Variants in USP24 observed in about 807,000 individuals in gnomAD.
USP24 encodes ubiquitin carboxyl-terminal hydrolase 24.
Under a neutral mutation model 361.6 loss-of-function variants are expected in USP24, and 97 were observed. The observed-to-expected ratio is 0.27, with a 90% CI of 0.23 to 0.32. The LOEUF (loss-of-function observed/expected upper bound fraction) is 0.32. Ranked by LOEUF, USP24 falls within the 10% of genes least tolerant of loss-of-function variation. USP24 has a pLI of 1.00. For missense variants in USP24, 2,353 were observed against 3,165.6 expected (o/e 0.74, Z 6.16); for synonymous variants, 1,098 against 1,124.6 (o/e 0.98, Z 0.47).
At chr1:55,125,040 C>G (rs1447189986) in intron 34 of USP24, among the ~76,000 whole-genome samples, 2 of 152,154 alleles carry the variant, frequency 1.3e-5, no homozygotes, top group Non-Finnish European at 2.9e-5. Context: ...CAAATGCCAT[C>G]TATAACATAA....
rs1296776622 is a variant in USP24 at position 55,078,528 on chromosome 1, G to T, written c.7314+10C>A. The T allele has an allele frequency of 6.2e-7, 1 of 1,602,038 alleles. No homozygotes were observed. Among genetic ancestry groups the T allele is most frequent in the South Asian group, 1.1e-5 (1 of 88,794 alleles). On this transcript the variant is annotated intron_variant, in intron 61 of 67. Transcript: ENST00000294383. ...CTATCTGGCTATCACTCGTTTAACTGAGGTCTTACCTTAATGAAATGCAGC... is the reference window on the plus strand; with the variant it reads ...CTATCTGGCTATCACTCGTTTAACTTAGGTCTTACCTTAATGAAATGCAGC...
chr1:55,122,893 T>G (rs903511323), intron 36 of USP24, among the ~76,000 whole-genome samples: 1 of 152,132 alleles, frequency 6.6e-6, no homozygotes, highest in Non-Finnish European at 1.5e-5. Flanking sequence ...GTACAGGCCA[T>G]AGACCCAAAT....
chr1:55,206,269 C>T (rs2100938317), intron 1 of USP24, among the ~76,000 whole-genome samples: 1 of 152,284 alleles, frequency 6.6e-6, no homozygotes, highest in East Asian at 1.9e-4. Context: ...CACATGCAAA[C>T]ACAGAAAATT....
intron 1 of USP24, among the ~76,000 whole-genome samples, chr1:55,207,149 C>T (rs535298215): frequency 6.6e-6 from 1 of 152,056 alleles, no homozygotes; most frequent in African/African-American, 2.4e-5. Context: ...CAGAGTGAGA[C>T]CCTGTCTCAA....
chr1:55,172,417 T>C lies in USP24; in HGVS notation c.662A>G (p.Gln221Arg). Residue 221 changes from glutamine to arginine, a missense_variant, in exon 4 of 68, where the codon CAA (glutamine) becomes CGA (arginine). This residue lies in a region of USP24 where 386 missense variants were observed against 560.5 expected (regional missense o/e 0.69). Transcript: ENST00000294383. Reference sequence around the variant, plus strand: ...CAGGAGACCAGTGGGAATTGGATCTTGTTTTATTCTCTCTGCGACCAGTTC... The same window carrying C: ...CAGGAGACCAGTGGGAATTGGATCTCGTTTTATTCTCTCTGCGACCAGTTC... ...LIELVAERIK[Q>R]DPIPTGLLGV... The C allele has an allele frequency of 6.2e-7, 1 of 1,613,358 alleles. No individual in the cohort carries two copies. Among genetic ancestry groups the C allele is most frequent in the African/African-American group, 1.3e-5 (1 of 75,034 alleles).
In USP24 at chr1:55,129,430, T is replaced by G. The variant is rs758592102; in HGVS notation, c.3635+47A>C. On this transcript the variant is annotated intron_variant, in intron 32 of 67. Transcript: ENST00000294383. Reference sequence around the variant, plus strand: ...TGCAGGGGAAATTAACTAAAATAACTATATTCATTTTCGGCAACTCATGTA... The same window carrying G: ...TGCAGGGGAAATTAACTAAAATAACGATATTCATTTTCGGCAACTCATGTA... 2.7e-6 allele frequency: 4 copies of G among 1,508,004 alleles called. No individual in the cohort carries two copies. In the South Asian group the frequency reaches 4.6e-5, roughly 17 times the overall value. The allele number at this position is 1,508,004 out of a possible 1,614,324, so 93.4% of individuals were successfully genotyped here. A position where few individuals can be genotyped will look rare whatever the true frequency, so the allele number is the denominator to read the frequency against.
intron 16 of USP24, among the ~76,000 whole-genome samples, chr1:55,153,038 A>C (rs1647274544): frequency 6.6e-6 from 1 of 152,212 alleles, no homozygotes; most frequent in East Asian, 1.9e-4. Context: ...TGTTAATAAT[A>C]AAATGAAAAT....
At position 55,081,326 on chromosome 1, in the gene USP24, A is replaced by G; in HGVS notation, c.7074T>C (p.Asn2358=). ...VLHSDVSSQR[N]VAPGIFKQRP... ...TCTAAGATATGTTAAGCTTACCAAC[A>G]TTCCTTTGGGATGAGACATCTGAAT... The change falls in exon 59 of 68, where the codon AAT becomes AAC. Residue 2358 remains asparagine, a synonymous_variant. Transcript: ENST00000294383. 1 of 1,613,444 alleles carries G rather than the reference A, an allele frequency of 6.2e-7. No individual in the cohort carries two copies. Among genetic ancestry groups the G allele is most frequent in the Non-Finnish European group, 8.5e-7 (1 of 1,179,504 alleles).
intron 10 of USP24, 37 bp downstream of exon 10, chr1:55,158,841 G>A (rs201583633): frequency 2.2e-4 from 310 of 1,409,790 alleles, no homozygotes; most frequent in Non-Finnish European, 2.7e-4. Context: ...CTTAGTATCT[G>A]TGCATTAAGT....
chr1:55,083,319 G>A lies in USP24; in HGVS notation c.6928C>T (p.Arg2310Trp), dbSNP rs371621780. 2.4e-5 allele frequency: 38 copies of A among 1,613,618 alleles called. No homozygotes were observed. In the Admixed American group the frequency reaches 4.3e-4, roughly 18 times the overall value. ...GDLLLRHSAL[R>W]HMISFLLGAS... ...CCTAGGAGGAAGCTGATCATGTGCC[G>A]CAGAGCTGAATGCCTCAGAAGAAGA... is the stretch of plus-strand genomic sequence containing the variant. The change falls in exon 58 of 68, where the codon CGG becomes TGG. Residue 2310 changes from arginine to tryptophan, a missense_variant. This residue lies in a region of USP24 where 598 missense variants were observed against 761.9 expected (regional missense o/e 0.78). Coordinates refer to ENST00000294383, the MANE Select transcript of USP24 (RefSeq NM_015306.3).
Position 55,125,695 on chromosome 1 carries a change from C to A in USP24, c.3699G>T (p.Gln1233His). 6.3e-7 allele frequency: 1 copy of A among 1,597,274 alleles called. No homozygotes were observed. The highest frequency in any genetic ancestry group is 2.2e-5 in the East Asian group (1 of 44,548). ...GCTGTAGACAGATGGAATAAACACCCTGCCTTGTTTCATAGTCTACTTCTG... is the reference window on the plus strand; with the variant it reads ...GCTGTAGACAGATGGAATAAACACCATGCCTTGTTTCATAGTCTACTTCTG... ...IPSEVDYETR[Q>H]GVYSICLQLA... Residue 1233 changes from glutamine to histidine, a missense_variant, in exon 33 of 68, where the codon CAG becomes CAT. Physicochemically the swap from Gln to His is conservative, Grantham distance 24. Transcript: ENST00000294383.
At position 55,076,035 on chromosome 1, in the gene USP24, A is replaced by AT. The variant is rs1186969825; in HGVS notation, c.7381-513dup. On this transcript the variant is annotated intron_variant, in intron 62 of 67. Coordinates refer to ENST00000294383, the MANE Select transcript of USP24 (RefSeq NM_015306.3). Reference sequence around the variant, plus strand: ...TACACGGCTGCCACATATCTCAAATATATCTTAAAACTAAGAGAAAAAACT... The same window carrying AT: ...TACACGGCTGCCACATATCTCAAATATTATCTTAAAACTAAGAGAAAAAACT... 6.6e-4 allele frequency among the ~76,000 whole-genome samples: 100 copies of AT among 152,338 alleles called. 2 individuals are homozygous for AT. The highest frequency in any genetic ancestry group is 6.9e-4 in the Non-Finnish European group (47 of 68,034).
intron 58 of USP24, 55 bp from the exon 59 acceptor site, chr1:55,081,479 A>G: frequency 6.6e-7 from 1 of 1,505,126 alleles, no homozygotes. Flanking sequence ...AATAATATGA[A>G]GAGGAAGGGA....
intron 45 of USP24, 23 bp downstream of exon 45, chr1:55,099,748 A>T: frequency 1.3e-6 from 2 of 1,506,672 alleles, no homozygotes; most frequent in Non-Finnish European, 1.8e-6. Flanking sequence ...AGGGAGTTAG[A>T]GGGAAAGTAC....
chr1:55,148,671 C>T, intron 16 of USP24, 101 bp from the exon 17 acceptor site: 1 of 816,194 alleles, frequency 1.2e-6, no homozygotes. Context: ...TACTGTTACA[C>T]ATTTTATTAT....
Position 55,147,678 on chromosome 1 carries a change from G to C in USP24, c.2089C>G (p.Leu697Val). 1 of 1,610,450 alleles carries C rather than the reference G, an allele frequency of 6.2e-7. No homozygotes were observed. Among genetic ancestry groups the C allele is most frequent in the Non-Finnish European group, 8.5e-7 (1 of 1,178,228 alleles). Residue 697 changes from leucine (L) to valine (V), a missense_variant, in exon 18 of 68, where the codon CTA becomes GTA. Physicochemically the swap from Leu to Val is conservative, Grantham distance 32. Coordinates refer to ENST00000294383, the MANE Select transcript of USP24 (RefSeq NM_015306.3). ...CGGTAAGTGTACCGGCCATCCACTAGTGTCGAGCCACTTAAGCCTCCAGGC... is the reference window on the plus strand; with the variant it reads ...CGGTAAGTGTACCGGCCATCCACTACTGTCGAGCCACTTAAGCCTCCAGGC... ...AGPGGLSGST[L>V]VDGRYTYREY...
chr1:55,089,695 T>A lies in USP24; in HGVS notation c.6600A>T (p.Ser2200=). 3 of 1,605,110 alleles carry A rather than the reference T, an allele frequency of 1.9e-6. No individual in the cohort carries two copies. Among genetic ancestry groups the A allele is most frequent in the Non-Finnish European group, 2.6e-6 (3 of 1,175,204 alleles). Residue 2200 remains serine, a synonymous_variant, in exon 55 of 68, where the codon TCA becomes TCT. Transcript: ENST00000294383. ...ACCACTGACAAGCATCAAAACTTTT[T>A]GAAAGCAATGCTTCAATGGTAGCAA... The part of the protein sequence containing the change: ...EWIATIEALL[S]KSFDACQWLV...
At chr1:55,131,824 G>A (rs1054055396) in intron 31 of USP24, among the ~76,000 whole-genome samples, 1 of 152,160 alleles carries the variant, frequency 6.6e-6, no homozygotes, top group Admixed American at 6.5e-5. Flanking sequence ...ATTCTTTAGT[G>A]CCTGGATATA....
At chr1:55,111,857 T>C (rs1645964728) in intron 38 of USP24, among the ~76,000 whole-genome samples, 2 of 152,068 alleles carry the variant, frequency 1.3e-5, no homozygotes, top group Non-Finnish European at 2.9e-5. Flanking sequence ...TGTTTCAAAA[T>C]AATATTTATG....
Sources: allele counts gnomAD v4.1 joint callset (sites outside exome capture counted in the v4.1 genomes callset), GRCh38; gene constraint gnomAD v4.1.1; regional missense constraint gnomAD v4.1.1; transcripts MANE v1.5; gene names NCBI Gene and HGNC (gene_info 2026-07-23, HGNC 2026-07-21).